HM13: variants seen among roughly 807,000 people sequenced by gnomAD.
HM13 encodes histocompatibility minor 13, also known as signal peptide peptidase.
In HM13, 18 loss-of-function variants were observed where a neutral mutation model predicts 50.0. The observed-to-expected ratio is 0.36, with a 90% CI of 0.25 to 0.53. The LOEUF (loss-of-function observed/expected upper bound fraction) is 0.53. Among genes scored for constraint, HM13 ranks in the 20% least tolerant of loss-of-function variants. HM13 has a pLI of 0.90. For missense variants in HM13, 393 were observed against 552.4 expected (o/e 0.71, Z 2.89); for synonymous variants, 197 against 232.6 (o/e 0.85, Z 1.39).
chr20:31,527,398 T>TA, intron 1 of HM13, 86 bp from the exon 2 acceptor site: 1 of 921,470 alleles, frequency 1.1e-6, no homozygotes, highest in Non-Finnish European at 1.7e-6. Context: ...GCAGCATCCC[T>TA]AGCCAAGGGA....
chr20:31,522,054 T>C (rs2122543514), intron 1 of HM13, among the ~76,000 whole-genome samples: 1 of 152,110 alleles, frequency 6.6e-6, no homozygotes, highest in African/African-American at 2.4e-5. Context: ...CTCTGTGTAA[T>C]GGAGAGGATC....
intron 2 of HM13, among the ~76,000 whole-genome samples, chr20:31,531,153 T>G (rs1024815677): frequency 2.0e-5 from 3 of 152,006 alleles, no homozygotes; most frequent in Non-Finnish European, 4.4e-5. Context: ...CAAACGATTC[T>G]CCTGCCTCAG....
chr20:31,565,815 T>A (rs527352128), intron 10 of HM13, among the ~76,000 whole-genome samples: 11 of 152,264 alleles, frequency 7.2e-5, no homozygotes, highest in African/African-American at 2.6e-4. Context: ...AGCTGTGGTG[T>A]CATCATCACT....
intron 1 of HM13, among the ~76,000 whole-genome samples, chr20:31,519,691 A>AT (rs1440124574): frequency 1.3e-5 from 2 of 152,152 alleles, no homozygotes; most frequent in African/African-American, 4.8e-5. Context: ...AAATTTGAGA[A>AT]TTTGAGTCCC....
chr20:31,518,648 A>AAAT (rs929331331), intron 1 of HM13, among the ~76,000 whole-genome samples: 54 of 151,524 alleles, frequency 3.6e-4, no homozygotes, highest in Non-Finnish European at 6.8e-4. Flanking sequence ...TCCATCTCAA[A>AAAT]AATAATAATA....
intron 7 of HM13, among the ~76,000 whole-genome samples, chr20:31,552,907 G>T (rs1984105048): frequency 6.6e-6 from 1 of 152,060 alleles, no homozygotes; most frequent in Non-Finnish European, 1.5e-5. Flanking sequence ...TTGGCCAGAT[G>T]AAGGTTGCAG....
chr20:31,518,539 G>T (rs976670378), intron 1 of HM13, among the ~76,000 whole-genome samples: 1 of 151,344 alleles, frequency 6.6e-6, no homozygotes, highest in Non-Finnish European at 1.5e-5. Context: ...CCAGCTACTC[G>T]GGAGGCTGAG....
intron 1 of HM13, among the ~76,000 whole-genome samples, chr20:31,526,555 A>C (rs1321625906): frequency 6.6e-6 from 1 of 152,138 alleles, no homozygotes; most frequent in African/African-American, 2.4e-5. Context: ...AATTATTTTG[A>C]TTGCATTCAG....
intron 1 of HM13, among the ~76,000 whole-genome samples, chr20:31,518,720 T>C (rs1981959067): frequency 6.6e-6 from 1 of 152,032 alleles, no homozygotes. Context: ...TAACCAGACA[T>C]GATGGCATGC....
rs780442040 is a variant in HM13 at position 31,549,124 on chromosome 20, C to G, written c.540+10C>G. 6.2e-7 allele frequency: 1 copy of G among 1,613,846 alleles called. No individual in the cohort carries two copies. Among genetic ancestry groups the G allele is most frequent in the Non-Finnish European group, 8.5e-7 (1 of 1,179,788 alleles). On this transcript the variant is annotated intron_variant, in intron 5 of 12. Coordinates refer to ENST00000398174, the MANE Select transcript of HM13 (RefSeq NM_178581.3). ...GTACCTGCTGAGGAAGGTGAGTAGT[C>G]AGGACCTGGGCAGAAGGGGAGGATG... is the stretch of plus-strand genomic sequence containing the variant.
intron 1 of HM13, among the ~76,000 whole-genome samples, chr20:31,522,957 A>C (rs1476762519): frequency 6.7e-6 from 1 of 148,464 alleles, no homozygotes; most frequent in Non-Finnish European, 1.5e-5. Flanking sequence ...ATAACTGCTG[A>C]TGTTCATACT....
At chr20:31,527,851 T>C in intron 2 of HM13, 2 of 392,794 alleles carry the variant, frequency 5.1e-6, no homozygotes, top group Non-Finnish European at 9.1e-6. Context: ...TATGTTGGGA[T>C]GGGGTATAGC....
At chr20:31,553,792 C>T (rs952531354) in intron 7 of HM13, among the ~76,000 whole-genome samples, 2 of 152,072 alleles carry the variant, frequency 1.3e-5, no homozygotes, top group African/African-American at 2.4e-5. Context: ...AAGCAATCTG[C>T]GGGTGTGTAG....
At chr20:31,529,170 G>A (rs1982665173) in intron 2 of HM13, among the ~76,000 whole-genome samples, 1 of 152,132 alleles carries the variant, frequency 6.6e-6, no homozygotes, top group South Asian at 2.1e-4. Flanking sequence ...TGTTGCCCAG[G>A]CTGGTAACAA....
intron 1 of HM13, among the ~76,000 whole-genome samples, chr20:31,520,414 A>G (rs1982082063): frequency 6.6e-6 from 1 of 151,966 alleles, no homozygotes; most frequent in South Asian, 2.1e-4. Flanking sequence ...AACAATTCTC[A>G]TGCCTCAGCC....
intron 12 of HM13, 137 bp downstream of exon 12, chr20:31,568,361 C>G (rs1985053881): frequency 8.0e-7 from 1 of 1,256,832 alleles, no homozygotes; most frequent in Non-Finnish European, 1.1e-6. Flanking sequence ...CCTCCACAAC[C>G]ACCAGGCAGT....
At chr20:31,554,460 A>C (rs909181892) in intron 7 of HM13, 1 of 286,202 alleles carries the variant, frequency 3.5e-6, no homozygotes, top group Non-Finnish European at 6.7e-6. Flanking sequence ...AGGCGGGAGG[A>C]TCACGAGGTC....
intron 10 of HM13, among the ~76,000 whole-genome samples, chr20:31,565,077 A>G (rs1308941885): frequency 6.6e-6 from 1 of 151,092 alleles, no homozygotes; most frequent in Non-Finnish European, 1.5e-5. Flanking sequence ...AAGGCAGAAG[A>G]ATGGTGTGAA....
Position 31,514,668 on chromosome 20 carries a change from C to T in HM13, c.117C>T (p.Leu39=), listed in dbSNP as rs1981655158. The T allele has an allele frequency of 6.4e-7, 1 of 1,562,154 alleles. No individual in the cohort carries two copies. The highest frequency in any genetic ancestry group is 1.2e-5 in the South Asian group (1 of 84,948). ...GCATCGCGCTGGCCTACGGCAGCCT[C>T]CTGCTCATGGCGCTGCTGCCCATCT... ...PEGIALAYGS[L]LLMALLPIFF... Residue 39 remains leucine, a synonymous_variant, in exon 1 of 13, where the codon CTC becomes CTT. Transcript: ENST00000398174. The surrounding 1 kb of genome is among the most constrained non-coding windows in gnomAD (Gnocchi z 4.3).
Sources: gnomAD v4.1 joint callset for allele counts (sites outside exome capture counted in the v4.1 genomes callset) on GRCh38, gnomAD v4.1.1 for gene constraint, Gnocchi (gnomAD v3.1) non-coding constraint, MANE v1.5 for transcripts, NCBI Gene and HGNC (gene_info 2026-07-23, HGNC 2026-07-21) for gene names.